MYBPC1: variants seen among roughly 807,000 people sequenced by gnomAD.
MYBPC1 encodes the protein myosin-binding protein C, slow-type.
MYBPC1 carries 52 observed loss-of-function variants against 147.1 expected under a neutral mutation model. The ratio of observed to expected loss-of-function variants is 0.35; its 90% confidence interval spans 0.28 to 0.45. The LOEUF (loss-of-function observed/expected upper bound fraction) is 0.45. Ranked by LOEUF, MYBPC1 falls within the 20% of genes least tolerant of loss-of-function variation. The pLI is 1.00. For missense variants in MYBPC1, 1,228 were observed against 1,440.3 expected, an observed-to-expected ratio of 0.85 and a Z score of 2.39; for synonymous variants, 477 against 475.9, an observed-to-expected ratio of 1.00 and a Z score of -0.03.
intron 18 of MYBPC1, among the ~76,000 whole-genome samples, chr12:101,655,446 CA>C (rs1314591805): frequency 2.0e-5 from 3 of 151,902 alleles, no homozygotes; most frequent in Non-Finnish European, 2.9e-5. Flanking sequence ...AGAAAAAGTC[CA>C]AAAAAATTTA....
rs200288633 is a variant in MYBPC1, at chr12:101,629,407, ATCCTTTTCC to A, written c.179-20_179-12del. On this transcript the variant is annotated intron_variant, in intron 5 of 31. Transcript: ENST00000361466. ...CTAAGAAGAGCCTGGCCCTGAAATAATCCTTTTCCTCCTTTCTGCTCATCAGACTGGACC... is the reference window on the plus strand; with the variant it reads ...CTAAGAAGAGCCTGGCCCTGAAATAATCCTTTCTGCTCATCAGACTGGACC... The A allele has an allele frequency of 0.013, 19,808 of 1,491,084 alleles. 412 individuals are homozygous for A. Among genetic ancestry groups the A allele is most frequent in the Admixed American group, 0.1 (5,954 of 59,804 alleles). The allele number at this position is 1,491,084 out of a possible 1,614,324, so 92.4% of individuals were successfully genotyped here. A position where few individuals can be genotyped will look rare whatever the true frequency, so the allele number is the denominator to read the frequency against.
chr12:101,648,655 T>C (rs1193068302), intron 14 of MYBPC1, among the ~76,000 whole-genome samples: 1 of 152,240 alleles, frequency 6.6e-6, no homozygotes, highest in Non-Finnish European at 1.5e-5. Context: ...CATGTGTTTT[T>C]CATGTAACCC....
Position 101,659,698 on chromosome 12 carries a change from A to G in MYBPC1, c.1794A>G (p.Ile598Met), listed in dbSNP as rs1351278787. The change falls in exon 19 of 32, where the codon ATA becomes ATG. Residue 598 changes from isoleucine (I) to methionine (M), a missense_variant. Physicochemically the swap from Ile to Met is conservative, Grantham distance 10. Coordinates refer to ENST00000361466, the MANE Select transcript of MYBPC1 (RefSeq NM_002465.4). Reference sequence around the variant, plus strand: ...CTATTATGGAAGGCAGTGGCCGGATAAGAACAGAATCTTACCCTGATAGCA... The same window carrying G: ...CTATTATGGAAGGCAGTGGCCGGATGAGAACAGAATCTTACCCTGATAGCA... ...DKAIMEGSGR[I>M]RTESYPDSST... The G allele has an allele frequency of 6.2e-7, 1 of 1,614,140 alleles. No individual in the cohort carries two copies. Among genetic ancestry groups the G allele is most frequent in the Non-Finnish European group, 8.5e-7 (1 of 1,179,992 alleles).
rs1460471905 is a variant in MYBPC1 at position 101,626,667 on chromosome 12, C to CT, written c.104-204dup. On this transcript the variant is annotated intron_variant, in intron 3 of 31. Coordinates refer to ENST00000361466, the MANE Select transcript of MYBPC1 (RefSeq NM_002465.4). The stretch of plus-strand genomic sequence containing the variant: ...GTGCTTCCATTTGGATTACCCTACT[C>CT]TGTCAACTTTTTATTTATTATTTTT... Among the ~76,000 whole-genome samples, 3 of 152,284 alleles carry CT rather than the reference C, an allele frequency of 2.0e-5. No individual in the cohort carries two copies. In the East Asian group the frequency reaches 5.8e-4, roughly 29 times the overall value.
At chr12:101,623,680 C>T (rs967688267) in intron 3 of MYBPC1, among the ~76,000 whole-genome samples, 1 of 152,104 alleles carries the variant, frequency 6.6e-6, no homozygotes, top group Non-Finnish European at 1.5e-5. Flanking sequence ...TGAATTTTAA[C>T]TTCATTTCTG....
intron 8 of MYBPC1, among the ~76,000 whole-genome samples, chr12:101,634,160 A>G (rs1168852382): frequency 6.6e-6 from 1 of 152,078 alleles, no homozygotes; most frequent in East Asian, 1.9e-4. Flanking sequence ...TCGGCCTCCC[A>G]AAGTGCTGGG....
At chr12:101,688,960 A>G (rs1341706217), downstream of MYBPC1, among the ~76,000 whole-genome samples, 3 of 122,586 alleles carry the variant, frequency 2.4e-5, no homozygotes, top group Admixed American at 8.7e-5. Context: ...TCTCAAAAAA[A>G]AAAAAAAAGA....
chr12:101,619,735 T>C (rs1192268009), intron 3 of MYBPC1, among the ~76,000 whole-genome samples: 1 of 152,224 alleles, frequency 6.6e-6, no homozygotes, highest in African/African-American at 2.4e-5. Context: ...TGGATTTTGG[T>C]ACATTTTCAG....
intron 10 of MYBPC1, chr12:101,637,184 G>T (rs1891175686): frequency 6.4e-6 from 1 of 156,892 alleles, no homozygotes; most frequent in Non-Finnish European, 1.4e-5. Flanking sequence ...AAATCACTAA[G>T]CAATGAAAAA....
chr12:101,641,986 T>G (rs1892149931), intron 10 of MYBPC1, among the ~76,000 whole-genome samples: 1 of 152,154 alleles, frequency 6.6e-6, no homozygotes, highest in South Asian at 2.1e-4. Flanking sequence ...AAAATAGAGA[T>G]CATTTTTATT....
intron 1 of MYBPC1, among the ~76,000 whole-genome samples, chr12:101,602,638 C>G (rs1466059550): frequency 6.6e-6 from 1 of 152,206 alleles, no homozygotes; most frequent in Non-Finnish European, 1.5e-5. Flanking sequence ...TTCACATAAA[C>G]TGATGGCATT....
At chr12:101,622,204 G>A (rs567962766) in intron 3 of MYBPC1, among the ~76,000 whole-genome samples, 20 of 152,092 alleles carry the variant, frequency 1.3e-4, no homozygotes, top group South Asian at 6.2e-4. Flanking sequence ...AAGATGCTAC[G>A]TCATTCATAT....
intron 1 of MYBPC1, among the ~76,000 whole-genome samples, chr12:101,597,901 G>A (rs536884406): frequency 1.3e-5 from 2 of 151,944 alleles, no homozygotes; most frequent in South Asian, 4.2e-4. Context: ...AGATTTGTGG[G>A]GATCTCCCAG....
chr12:101,667,342 G>A (rs946610695), intron 22 of MYBPC1, among the ~76,000 whole-genome samples: 5 of 152,086 alleles, frequency 3.3e-5, no homozygotes, highest in Non-Finnish European at 7.4e-5. Context: ...GCCTTTTCCT[G>A]TTTTTCTGAA....
chr12:101,634,057 C>CT, intron 8 of MYBPC1, among the ~76,000 whole-genome samples: 1 of 152,114 alleles, frequency 6.6e-6, no homozygotes, highest in African/African-American at 2.4e-5. Context: ...CCACCACGGC[C>CT]GGCTAATTTT....
intron 1 of MYBPC1, among the ~76,000 whole-genome samples, chr12:101,605,979 G>A (rs899986137): frequency 6.6e-6 from 1 of 152,042 alleles, no homozygotes; most frequent in Non-Finnish European, 1.5e-5. Flanking sequence ...CAGATCACTT[G>A]AGCCCAGGAG....
At chr12:101,652,638 T>C (rs1262707735) in intron 16 of MYBPC1, 40 bp from the exon 17 acceptor site, 2 of 1,432,382 alleles carry the variant, frequency 1.4e-6, no homozygotes, top group Admixed American at 3.3e-5. Flanking sequence ...ATAAACTAGA[T>C]CTTTGGAGTC....
chr12:101,650,845 T>C (rs1178172009), intron 15 of MYBPC1: 1 of 289,892 alleles, frequency 3.4e-6, no homozygotes, highest in South Asian at 3.7e-5. Flanking sequence ...TTGTGGCTTG[T>C]GAACTGTTGT....
At chr12:101,618,585 G>T (rs928830323) in intron 3 of MYBPC1, among the ~76,000 whole-genome samples, 2 of 152,174 alleles carry the variant, frequency 1.3e-5, no homozygotes, top group African/African-American at 4.8e-5. Context: ...TAATCCCAGA[G>T]GGCAAGCTGT....
Sources: allele counts gnomAD v4.1 joint callset (sites outside exome capture counted in the v4.1 genomes callset), GRCh38; gene constraint gnomAD v4.1.1; transcripts MANE v1.5; gene names NCBI Gene and HGNC (gene_info 2026-07-23, HGNC 2026-07-21).